The following RNF10 variants were observed in gnomAD, a reference collection of about 807,000 sequenced individuals.
RNF10 encodes ring finger protein 10, also known as E3 ubiquitin-protein ligase RNF10.
Under a neutral mutation model 91.4 loss-of-function variants are expected in RNF10, and 38 were observed. That is an observed-to-expected ratio of 0.42 (90% CI 0.32 to 0.54). The LOEUF is 0.54. Among genes scored for constraint, RNF10 ranks in the 20% least tolerant of loss-of-function variants. RNF10 has a pLI of 0.16. For synonymous variants in RNF10, 364 were observed against 366.3 expected (o/e 0.99, Z 0.07); for missense variants, 945 against 1,012.0 (o/e 0.93, Z 0.90).
At chr12:120,563,264 T>C in intron 8 of RNF10, 83 bp from the exon 9 acceptor site, 1 of 1,520,840 alleles carries the variant, frequency 6.6e-7, no homozygotes. Context: ...TCTAGGGAGC[T>C]TGGCTCTTAG....
intron 1 of RNF10, among the ~76,000 whole-genome samples, chr12:120,538,651 GAA>G (rs1871163136): frequency 6.6e-6 from 1 of 152,186 alleles, no homozygotes; most frequent in Non-Finnish European, 1.5e-5. Flanking sequence ...AGGGAGCAAA[GAA>G]AGAGAGGCAA....
In RNF10 at chr12:120,560,765, C is replaced by A; in HGVS notation, c.1007C>A (p.Ser336Tyr). ...CAGTACTCCAAGTTGCTGCTGGCCT[C>A]TAAGGAGCAGGTGCTGCACCGGGTA... Reference protein sequence around the residue: ...HSQYSKLLLASKEQVLHRVVL... With the variant: ...HSQYSKLLLAYKEQVLHRVVL... Residue 336 changes from serine to tyrosine, a missense_variant, in exon 7 of 17, where the codon TCT (serine) becomes TAT (tyrosine). Physicochemically the swap from Ser to Tyr is moderately radical, Grantham distance 144. Coordinates refer to ENST00000325954, the MANE Select transcript of RNF10 (RefSeq NM_014868.5). 1 of 1,614,102 alleles carries A rather than the reference C, an allele frequency of 6.2e-7. No homozygotes were observed. Among genetic ancestry groups the A allele is most frequent in the Non-Finnish European group, 8.5e-7 (1 of 1,180,018 alleles).
chr12:120,539,522 T>C (rs761350208), intron 1 of RNF10: 99 of 874,700 alleles, frequency 1.1e-4, no homozygotes, highest in Non-Finnish European at 1.5e-4. Context: ...ACTTGCTGAC[T>C]GGTATTCTGA....
intron 4 of RNF10, among the ~76,000 whole-genome samples, chr12:120,555,978 G>A (rs1873938862): frequency 6.6e-6 from 1 of 151,524 alleles, no homozygotes; most frequent in Non-Finnish European, 1.5e-5. Context: ...CATTAGAGAC[G>A]GGGTTCCACC....
At chr12:120,551,112 A>G (rs1872982629) in intron 2 of RNF10, among the ~76,000 whole-genome samples, 1 of 151,404 alleles carries the variant, frequency 6.6e-6, no homozygotes. Flanking sequence ...CAGCCTTCCA[A>G]GTAGATGGGA....
At position 120,563,823 on chromosome 12, in the gene RNF10, G is replaced by A; in HGVS notation, c.1545G>A (p.Gln515=). Residue 515 remains glutamine, a synonymous_variant, in exon 10 of 17, where the codon CAG becomes CAA. Transcript: ENST00000325954. ...CCTTGTCCTCAGCGGAAGATGGACA[G>A]CATATGTTCCTGCACCCTGTGAATG... ...CYYFYQAEDG[Q]HMFLHPVNVR... The A allele has an allele frequency of 6.2e-7, 1 of 1,614,124 alleles. No homozygotes were observed. The highest frequency in any genetic ancestry group is 8.5e-7 in the Non-Finnish European group (1 of 1,180,008).
intron 14 of RNF10, among the ~76,000 whole-genome samples, chr12:120,572,123 G>C (rs970070398): frequency 6.7e-6 from 1 of 149,066 alleles, no homozygotes; most frequent in East Asian, 2.0e-4. Flanking sequence ...CTGGAGTTCC[G>C]TGGCGCGATC....
In RNF10 at chr12:120,535,966, T is replaced by A. The variant is rs570480825; in HGVS notation, c.157+998T>A. Among the ~76,000 whole-genome samples the A allele has an allele frequency of 3.3e-5, 5 of 152,292 alleles. No individual in the cohort carries two copies. The South Asian group carries it at 1.0e-3, about 32-fold the overall frequency. ...AGAGTCCCGGTGTTCTTCATTTTAT[T>A]TCGAAGTTTGTACTAATCTCTGCTC... is the stretch of plus-strand genomic sequence containing the variant. On this transcript the variant is annotated intron_variant, in intron 1 of 16. Coordinates refer to ENST00000325954, the MANE Select transcript of RNF10 (RefSeq NM_014868.5).
In RNF10 at chr12:120,563,645, G is replaced by T. The variant is rs368940837; in HGVS notation, c.1531+22G>T. 1.2e-5 allele frequency: 19 copies of T among 1,580,738 alleles called. No homozygotes were observed. In the African/African-American group the frequency reaches 2.4e-4, roughly 20 times the overall value. On this transcript the variant is annotated intron_variant, in intron 9 of 16. Coordinates refer to ENST00000325954, the MANE Select transcript of RNF10 (RefSeq NM_014868.5). ...CAAGGTGAGGGTGCCGGAAGAGAGG[G>T]CTGGGTTGCCGCAGAGGTGTTTCAG...
At chr12:120,552,475 C>T (rs374300314) in intron 2 of RNF10, 24 bp from the exon 3 acceptor site, 316 of 1,596,750 alleles carry the variant, frequency 2.0e-4, no homozygotes, top group Non-Finnish European at 2.5e-4. Flanking sequence ...ATCTGAAATA[C>T]TGATTCATTC....
intron 10 of RNF10, 49 bp downstream of exon 10, chr12:120,563,992 A>G (rs1164730049): frequency 1.2e-6 from 2 of 1,608,760 alleles, no homozygotes; most frequent in Non-Finnish European, 8.5e-7. Flanking sequence ...TATTAACCTA[A>G]TCTCTTTGAG....
At chr12:120,553,045 T>G (rs974843527) in intron 3 of RNF10, among the ~76,000 whole-genome samples, 10 of 3,770 alleles carry the variant, frequency 2.7e-3, no homozygotes, top group Non-Finnish European at 8.5e-3. Flanking sequence ...AAGGTTTTTT[T>G]TTTTTTTTTT....
intron 16 of RNF10, 124 bp downstream of exon 16, chr12:120,576,074 C>T (rs1877353522): frequency 1.0e-6 from 1 of 956,418 alleles, no homozygotes; most frequent in South Asian, 1.5e-5. Context: ...CTTCAGCACA[C>T]TCTAGTGTCA....
At chr12:120,563,236 C>G in intron 8 of RNF10, 111 bp from the exon 9 acceptor site, 3 of 1,476,950 alleles carry the variant, frequency 2.0e-6, no homozygotes, top group South Asian at 1.3e-5. Context: ...TCAGTGAACA[C>G]GACAGCTAAG....
At chr12:120,570,142 C>T (rs2137257787) in intron 13 of RNF10, 1 of 152,372 alleles carries the variant, frequency 6.6e-6, no homozygotes, top group South Asian at 2.1e-4. Flanking sequence ...GCCTCAGCCT[C>T]CCAAAGTGCT....
chr12:120,562,330 A>G (rs585510), intron 7 of RNF10, among the ~76,000 whole-genome samples: 37,466 of 135,102 alleles, frequency 0.28, 5,629 homozygotes, highest in East Asian at 0.52. Flanking sequence ...GCTGGAGTGC[A>G]GTGGCGTGAT....
At chr12:120,556,640 A>G (rs945789441) in intron 4 of RNF10, among the ~76,000 whole-genome samples, 2 of 151,796 alleles carry the variant, frequency 1.3e-5, no homozygotes, top group African/African-American at 2.4e-5. Flanking sequence ...TTAAAAAAAA[A>G]TGAAGTCTTT....
At chr12:120,565,581 A>G (rs780228013) in intron 12 of RNF10, 52 bp downstream of exon 12, 23 of 1,502,102 alleles carry the variant, frequency 1.5e-5, no homozygotes, top group Admixed American at 5.4e-5. Context: ...GTCGTTGTAT[A>G]GAACTCTGTG....
At chr12:120,574,886 C>T (rs530215237) in intron 14 of RNF10, 10 of 204,138 alleles carry the variant, frequency 4.9e-5, no homozygotes, top group East Asian at 1.5e-4. Flanking sequence ...AGATTTGCGC[C>T]ATTGCACTCC....
Sources: allele counts gnomAD v4.1 joint callset (sites outside exome capture counted in the v4.1 genomes callset), GRCh38; gene constraint gnomAD v4.1.1; transcripts MANE v1.5; gene names NCBI Gene and HGNC (gene_info 2026-07-23, HGNC 2026-07-21).